BMAL2: variants seen among roughly 807,000 people sequenced by gnomAD.
BMAL2 encodes basic helix-loop-helix ARNT-like protein 2.
chr12:27,377,436 T>G, the BMAL2 span: 6 of 152,188 alleles, frequency 3.9e-5, no homozygotes, highest in Non-Finnish European at 7.3e-5. Context: ...CTCATCTCTC[T>G]CCAGATCCTG....
At chr12:27,337,124 T>C in the BMAL2 span, among the ~76,000 whole-genome samples, 3 of 152,182 alleles carry the variant, frequency 2.0e-5, no homozygotes, top group African/African-American at 4.8e-5. Flanking sequence ...TTTAATCTTA[T>C]GGTTTAAATC....
At chr12:27,341,611 A>T in the BMAL2 span, among the ~76,000 whole-genome samples, 1 of 152,326 alleles carries the variant, frequency 6.6e-6, no homozygotes, top group Non-Finnish European at 1.5e-5. Context: ...GGAAGCAGGT[A>T]TCTGCACTTT....
At chr12:27,389,959 T>C in the BMAL2 span, 1 of 972,908 alleles carries the variant, frequency 1.0e-6, no homozygotes, top group Non-Finnish European at 1.5e-6. Context: ...CAGGGTTTAC[T>C]GTACAATCAT....
the BMAL2 span, chr12:27,387,194 A>AT: frequency 5.3e-5 from 76 of 1,432,424 alleles, no homozygotes; most frequent in Non-Finnish European, 5.1e-5. Context: ...GACAGACAAT[A>AT]TTTTAAAATA....
chr12:27,355,835 T>C, the BMAL2 span, among the ~76,000 whole-genome samples: 1 of 152,224 alleles, frequency 6.6e-6, no homozygotes, highest in African/African-American at 2.4e-5. Flanking sequence ...TTATGGAGCC[T>C]GAGACAGTTA....
chr12:27,380,986 A>AC, the BMAL2 span, among the ~76,000 whole-genome samples: 1 of 151,878 alleles, frequency 6.6e-6, no homozygotes, highest in Non-Finnish European at 1.5e-5. Context: ...TCAGAAAAAA[A>AC]AAAAAGTTCT....
the BMAL2 span, among the ~76,000 whole-genome samples, chr12:27,354,476 C>T: frequency 6.6e-6 from 1 of 152,010 alleles, no homozygotes; most frequent in East Asian, 1.9e-4. Flanking sequence ...GCACTGTGCT[C>T]CCTACCTGGG....
At chr12:27,351,205 C>T in the BMAL2 span, among the ~76,000 whole-genome samples, 1 of 152,058 alleles carries the variant, frequency 6.6e-6, no homozygotes, top group African/African-American at 2.4e-5. Context: ...CCAGAATGGT[C>T]TCAAACTCTT....
the BMAL2 span, chr12:27,387,209 CTT>C: frequency 1.3e-6 from 2 of 1,518,100 alleles, no homozygotes; most frequent in African/African-American, 1.4e-5. Flanking sequence ...AAAATATTCA[CTT>C]TTTTTTTAAA....
At chr12:27,397,350 G>T in the BMAL2 span, among the ~76,000 whole-genome samples, 2 of 152,194 alleles carry the variant, frequency 1.3e-5, no homozygotes, top group African/African-American at 4.8e-5. Flanking sequence ...GATTATAGGC[G>T]TGAGCCACCA....
chr12:27,376,636 TCAAG>T, the BMAL2 span, among the ~76,000 whole-genome samples: 1 of 152,222 alleles, frequency 6.6e-6, no homozygotes, highest in Non-Finnish European at 1.5e-5. Context: ...ATTATTTTCT[TCAAG>T]CACTAAAGAA....
At chr12:27,400,923 G>A in the BMAL2 span, 2 of 807,284 alleles carry the variant, frequency 2.5e-6, no homozygotes, top group Admixed American at 3.0e-5. Flanking sequence ...ATATGGACAT[G>A]TCAGTAAATT....
At chr12:27,402,041 A>T in the BMAL2 span, among the ~76,000 whole-genome samples, 1 of 152,186 alleles carries the variant, frequency 6.6e-6, no homozygotes, top group African/African-American at 2.4e-5. Flanking sequence ...TGCACATCTT[A>T]TAAGCCTGGG....
chr12:27,360,128 G>A, the BMAL2 span, among the ~76,000 whole-genome samples: 20 of 151,242 alleles, frequency 1.3e-4, no homozygotes, highest in Non-Finnish European at 2.7e-4. Context: ...GAAGGGCACA[G>A]CATCATTTTT....
At chr12:27,411,812 A>G in the BMAL2 span, among the ~76,000 whole-genome samples, 4,362 of 152,186 alleles carry the variant, frequency 0.029, 98 homozygotes, top group Non-Finnish European at 0.046. Flanking sequence ...TACTCTGTTT[A>G]TCAGGTTTTT....
chr12:27,356,051 T>TG, the BMAL2 span, among the ~76,000 whole-genome samples: 1 of 152,224 alleles, frequency 6.6e-6, no homozygotes, highest in Non-Finnish European at 1.5e-5. Flanking sequence ...TCCTGACCCC[T>TG]GCCTAAAATG....
At chr12:27,396,713 G>C in the BMAL2 span, among the ~76,000 whole-genome samples, 3 of 152,180 alleles carry the variant, frequency 2.0e-5, no homozygotes, top group Non-Finnish European at 4.4e-5. Flanking sequence ...AAGGAGTTTT[G>C]AATCTGCTCA....
chr12:27,346,133 G>A, the BMAL2 span, among the ~76,000 whole-genome samples: 5 of 152,112 alleles, frequency 3.3e-5, no homozygotes, highest in Non-Finnish European at 7.4e-5. Context: ...CTGCTTGTCC[G>A]AATCCAACTC....
chr12:27,409,243 A>G, the BMAL2 span, among the ~76,000 whole-genome samples: 3 of 152,328 alleles, frequency 2.0e-5, no homozygotes, highest in Admixed American at 2.0e-4. Context: ...GGAAAAAACT[A>G]CTTTAAAGTT....
Sources: gnomAD v4.1 joint callset for allele counts (sites outside exome capture counted in the v4.1 genomes callset) on GRCh38, gnomAD v4.1.1 for gene constraint, MANE v1.5 for transcripts, NCBI Gene and HGNC (gene_info 2026-07-23, HGNC 2026-07-21) for gene names.